Variants in XIRP2 observed in about 807,000 individuals in gnomAD.
The protein encoded by XIRP2 is xin actin-binding repeat-containing protein 2.
XIRP2 carries 236 observed loss-of-function variants against 277.0 expected under a neutral mutation model. The observed-to-expected ratio is 0.85, with a 90% CI of 0.77 to 0.95. The LOEUF (loss-of-function observed/expected upper bound fraction) is 0.95, where lower values mean the gene tolerates loss of function less well. Among genes scored for constraint, XIRP2 ranks in the 40% least tolerant of loss-of-function variants. XIRP2 has a pLI of 0.00. For missense variants in XIRP2, 4,640 were observed against 4,157.5 expected, an observed-to-expected ratio of 1.12 and a Z score of -3.19; for synonymous variants, 1,490 against 1,416.5, an observed-to-expected ratio of 1.05 and a Z score of -1.17.
At chr2:167,171,438 C>T (rs1207601716) in intron 3 of XIRP2, among the ~76,000 whole-genome samples, 1 of 152,044 alleles carries the variant, frequency 6.6e-6, no homozygotes, top group African/African-American at 2.4e-5. Flanking sequence ...TGTAATTGTG[C>T]TCAAGGAACA....
At chr2:167,179,591 ATT>A (rs1303997219) in intron 3 of XIRP2, among the ~76,000 whole-genome samples, 2 of 150,752 alleles carry the variant, frequency 1.3e-5, no homozygotes, top group Non-Finnish European at 2.9e-5. Context: ...AAGTGCTGGG[ATT>A]ACAGGCGTGA....
intron 4 of XIRP2, among the ~76,000 whole-genome samples, chr2:167,214,699 T>G (rs1474066456): frequency 1.3e-5 from 2 of 151,914 alleles, no homozygotes; most frequent in Non-Finnish European, 2.9e-5. Flanking sequence ...CCCAAATAGC[T>G]GGAATTACAG....
intron 2 of XIRP2, among the ~76,000 whole-genome samples, chr2:167,047,441 A>G (rs1688812176): frequency 6.6e-6 from 1 of 151,818 alleles, no homozygotes; most frequent in African/African-American, 2.4e-5. Flanking sequence ...GATAATCTGA[A>G]AAAATGGAGA....
At chr2:167,196,619 C>T (rs536518684) in intron 3 of XIRP2, among the ~76,000 whole-genome samples, 3 of 152,126 alleles carry the variant, frequency 2.0e-5, no homozygotes, top group East Asian at 3.9e-4. Context: ...TCAGGATTAG[C>T]GAGGTTTGTG....
intron 2 of XIRP2, among the ~76,000 whole-genome samples, chr2:166,979,124 C>A (rs1300410482): frequency 1.3e-5 from 2 of 152,070 alleles, no homozygotes; most frequent in Non-Finnish European, 2.9e-5. Flanking sequence ...TACAGTTAAT[C>A]TTTATGCCTT....
At chr2:167,218,105 T>G (rs1199043207) in intron 4 of XIRP2, 61 bp from the exon 5 acceptor site, 3 of 1,347,914 alleles carry the variant, frequency 2.2e-6, no homozygotes, top group Non-Finnish European at 2.9e-6. Context: ...TTAAAATAGC[T>G]TCAGAATCCC....
intron 2 of XIRP2, among the ~76,000 whole-genome samples, chr2:167,106,425 C>A (rs1461727081): frequency 1.3e-5 from 2 of 151,602 alleles, no homozygotes; most frequent in Non-Finnish European, 3.0e-5. Context: ...GGTTAAAAGT[C>A]GATCCCTTCT....
intron 5 of XIRP2, among the ~76,000 whole-genome samples, chr2:167,232,391 T>C (rs2105418939): frequency 6.6e-6 from 1 of 151,984 alleles, no homozygotes; most frequent in East Asian, 1.9e-4. Context: ...ACAGGCTCCT[T>C]TTTCCTTCTC....
In XIRP2 at chr2:167,087,936, C is replaced by A. The variant is rs372033241; in HGVS notation, c.409-47973C>A. ...TCACGCTGGGAGCTGTAGACCAGAG[C>A]TGTTCCTATTCGGCCATCTTGGCTC... On this transcript the variant is annotated intron_variant, in intron 2 of 10. Coordinates refer to ENST00000409195, the MANE Select transcript of XIRP2 (RefSeq NM_152381.6). Among the ~76,000 whole-genome samples, 16 of 152,278 alleles carry A rather than the reference C, an allele frequency of 1.1e-4. No homozygotes were observed. In the South Asian group the frequency reaches 1.2e-3, roughly 12 times the overall value.
chr2:167,155,490 A>C (rs1005973180), intron 3 of XIRP2, among the ~76,000 whole-genome samples: 1 of 144,912 alleles, frequency 6.9e-6, no homozygotes, highest in East Asian at 2.1e-4. Context: ...AACCAAAGAC[A>C]AAAACCACAT....
intron 3 of XIRP2, among the ~76,000 whole-genome samples, chr2:167,167,278 T>C (rs1267141376): frequency 1.3e-5 from 2 of 152,152 alleles, no homozygotes; most frequent in Admixed American, 1.3e-4. Flanking sequence ...TATTTTTTGA[T>C]CTACTCTGAC....
At chr2:167,010,533 G>C (rs1687646459) in intron 2 of XIRP2, among the ~76,000 whole-genome samples, 1 of 152,094 alleles carries the variant, frequency 6.6e-6, no homozygotes, top group Non-Finnish European at 1.5e-5. Flanking sequence ...TTTTGGCTTA[G>C]GATTGACTTG....
At chr2:167,220,454 C>T (rs1226403870) in intron 5 of XIRP2, among the ~76,000 whole-genome samples, 3 of 152,184 alleles carry the variant, frequency 2.0e-5, no homozygotes, top group South Asian at 4.1e-4. Context: ...TTGTGAAGTG[C>T]TTAACACATT....
intron 5 of XIRP2, among the ~76,000 whole-genome samples, chr2:167,224,492 C>T (rs559251436): frequency 2.6e-5 from 4 of 152,074 alleles, no homozygotes; most frequent in Non-Finnish European, 2.9e-5. Flanking sequence ...AGTGATCTAC[C>T]GACTTGGCCT....
chr2:167,143,277 G>T (rs748292623), intron 3 of XIRP2, among the ~76,000 whole-genome samples: 14 of 152,128 alleles, frequency 9.2e-5, no homozygotes, highest in South Asian at 2.1e-4. Context: ...GTCAACACTA[G>T]GAGATGAACA....
At chr2:167,088,368 A>T (rs556829876) in intron 2 of XIRP2, among the ~76,000 whole-genome samples, 59 of 152,160 alleles carry the variant, frequency 3.9e-4, no homozygotes, top group South Asian at 6.2e-4. Context: ...ACATTTCCAC[A>T]TGTTTCCACA....
chr2:167,056,294 A>G lies in XIRP2; in HGVS notation c.409-79615A>G, dbSNP rs573074807. ...CTGAAGTTATAAAATCAATGTTGGA[A>G]CATAAATGCAAAATTACTTTTTTAC... is the stretch of plus-strand genomic sequence containing the variant. On this transcript the variant is annotated intron_variant, in intron 2 of 10. Transcript: ENST00000409195. Among the ~76,000 whole-genome samples, 3 of 152,156 alleles carry G rather than the reference A, an allele frequency of 2.0e-5. No individual in the cohort carries two copies. The South Asian group carries it at 6.2e-4, about 32-fold the overall frequency.
At position 167,210,767 on chromosome 2, in the gene XIRP2, T is replaced by C; in HGVS notation, c.595T>C (p.Phe199Leu). ...TAGPNKPESGFAEDSAARGEG... is the reference protein window; with the variant it reads ...TAGPNKPESGLAEDSAARGEG... ...TGGCCCTAATAAGCCTGAGAGTGGA[T>C]TTGCAGAAGACAGTGCTGCTCGGGG... The change falls in exon 4 of 11, where the codon TTT becomes CTT. Residue 199 changes from phenylalanine to leucine, a missense_variant. Physicochemically the swap from Phe to Leu is conservative, Grantham distance 22 (BLOSUM62 0). Transcript: ENST00000409195. 6.2e-7 allele frequency: 1 copy of C among 1,614,226 alleles called. No homozygotes were observed. Among genetic ancestry groups the C allele is most frequent in the South Asian group, 1.1e-5 (1 of 91,090 alleles).
At chr2:167,054,816 C>T (rs189533518) in intron 2 of XIRP2, among the ~76,000 whole-genome samples, 88 of 152,260 alleles carry the variant, frequency 5.8e-4, no homozygotes, top group Admixed American at 1.3e-3. Context: ...AATTCTCTCT[C>T]TCTCATATTC....
Sources: allele counts gnomAD v4.1 joint callset (sites outside exome capture counted in the v4.1 genomes callset), GRCh38; gene constraint gnomAD v4.1.1; transcripts MANE v1.5; gene names NCBI Gene and HGNC (gene_info 2026-07-23, HGNC 2026-07-21).